Variants in PGBD5 observed in about 807,000 individuals in gnomAD.
PGBD5 encodes piggyBac transposable element-derived protein 5.
Under a neutral mutation model 47.9 loss-of-function variants are expected in PGBD5, and 14 were observed. The ratio of observed to expected loss-of-function variants is 0.29; its 90% CI spans 0.19 to 0.46. The LOEUF (loss-of-function observed/expected upper bound fraction) is 0.46, where lower values mean the gene tolerates loss of function less well. Among genes scored for constraint, PGBD5 ranks in the 20% least tolerant of loss-of-function variants. PGBD5 has a pLI of 1.00. For missense variants in PGBD5, 635 were observed against 716.0 expected, an observed-to-expected ratio of 0.89 and a Z score of 1.29; for synonymous variants, 316 against 306.3, an observed-to-expected ratio of 1.03 and a Z score of -0.33.
chr1:230,367,194 T>A (rs1293259667), intron 1 of PGBD5, among the ~76,000 whole-genome samples: 1 of 152,162 alleles, frequency 6.6e-6, no homozygotes, highest in Non-Finnish European at 1.5e-5. Context: ...GTTTTCCTTC[T>A]ACTCGGGCCG....
At chr1:230,345,322 C>T (rs1043151548) in intron 3 of PGBD5, among the ~76,000 whole-genome samples, 5 of 152,160 alleles carry the variant, frequency 3.3e-5, no homozygotes, top group African/African-American at 1.2e-4. Context: ...GCAGCCTCAG[C>T]GTCTTGGATT....
chr1:230,379,664 C>A (rs955795839), intron 1 of PGBD5, among the ~76,000 whole-genome samples: 5 of 152,252 alleles, frequency 3.3e-5, no homozygotes, highest in Non-Finnish European at 7.3e-5. Flanking sequence ...TACTTCAATA[C>A]CCAGCTCAAC....
At chr1:230,416,928 G>A (rs2102753555) in intron 1 of PGBD5, among the ~76,000 whole-genome samples, 1 of 152,308 alleles carries the variant, frequency 6.6e-6, no homozygotes, top group African/African-American at 2.4e-5. Context: ...GCGGATGAAA[G>A]CCCCACCAGC....
chr1:230,353,109 G>C (rs1259047223), intron 2 of PGBD5, among the ~76,000 whole-genome samples: 3 of 152,144 alleles, frequency 2.0e-5, no homozygotes, highest in African/African-American at 7.2e-5. Flanking sequence ...AATGAATTAT[G>C]AATATGTCAT....
intron 4 of PGBD5, among the ~76,000 whole-genome samples, chr1:230,335,836 T>TGG (rs1667313067): frequency 2.4e-4 from 9 of 37,984 alleles, no homozygotes; most frequent in Non-Finnish European, 3.3e-4. Flanking sequence ...GACATACACA[T>TGG]ACACACACAG....
chr1:230,357,095 G>C lies in PGBD5; in HGVS notation c.558C>G (p.Leu186=), dbSNP rs1279690254. 1 of 1,614,192 alleles carries C rather than the reference G, an allele frequency of 6.2e-7. No homozygotes were observed. Among genetic ancestry groups the C allele is most frequent in the South Asian group, 1.1e-5 (1 of 91,084 alleles). ...TGTAGAAGCCTCCGCTCCAGATGCTGAGGACGGACTCGCAGTGGGAGATGC... is the reference window on the plus strand; with the variant it reads ...TGTAGAAGCCTCCGCTCCAGATGCTCAGGACGGACTCGCAGTGGGAGATGC... ...STSISHCESV[L]SIWSGGFYSN... Residue 186 remains leucine, a synonymous_variant, in exon 2 of 7, where the codon CTC becomes CTG. Coordinates refer to ENST00000391860, the MANE Select transcript of PGBD5 (RefSeq NM_001258311.2). This position sits in a 1 kb window ranked among gnomAD's most constrained non-coding sequence, Gnocchi z 5.7.
At chr1:230,393,843 AAT>A (rs1417919859) in intron 1 of PGBD5, among the ~76,000 whole-genome samples, 64 of 149,582 alleles carry the variant, frequency 4.3e-4, no homozygotes, top group African/African-American at 1.4e-3. Flanking sequence ...AAAAAAAAAA[AAT>A]AATAGGCCCG....
chr1:230,391,833 G>A (rs1159339184), intron 1 of PGBD5, among the ~76,000 whole-genome samples: 4 of 152,106 alleles, frequency 2.6e-5, no homozygotes, highest in Non-Finnish European at 5.9e-5. Flanking sequence ...ACTGATCTTC[G>A]TTAAATTCAA....
intron 2 of PGBD5, among the ~76,000 whole-genome samples, chr1:230,356,564 ATAAAAT>A (rs370459807): frequency 1.6e-3 from 246 of 152,344 alleles, no homozygotes; most frequent in African/African-American, 5.7e-3. Context: ...GAATATGACA[ATAAAAT>A]TAATATTCGC....
chr1:230,356,979 G>C lies in PGBD5; in HGVS notation c.674C>G (p.Thr225Ser). The C allele has an allele frequency of 6.2e-7, 1 of 1,614,232 alleles. No homozygotes were observed. The highest frequency in any genetic ancestry group is 8.5e-7 in the Non-Finnish European group (1 of 1,180,044). Residue 225 changes from threonine to serine, a missense_variant, in exon 2 of 7, where the codon ACC becomes AGC. By Grantham distance (58) the Thr-to-Ser change is moderately conservative (BLOSUM62 1). Coordinates refer to ENST00000391860, the MANE Select transcript of PGBD5 (RefSeq NM_001258311.2). Reference sequence around the variant, plus strand: ...CTGGACCTTGTAGAGCCCGTGCGTGGTCTGGCTGGAGCGGAAGGCCACGAC... The same window carrying C: ...CTGGACCTTGTAGAGCCCGTGCGTGCTCTGGCTGGAGCGGAAGGCCACGAC... Reference protein sequence around the residue: ...FHVVAFRSSQTTHGLYKVQPF... With the variant: ...FHVVAFRSSQSTHGLYKVQPF...
Position 230,320,206 on chromosome 1 carries a change from A to C in PGBD5, c.*3219T>G, listed in dbSNP as rs905813503. The C allele has an allele frequency of 6.6e-6, 1 of 151,914 alleles. No individual in the cohort carries two copies. Among genetic ancestry groups the C allele is most frequent in the Non-Finnish European group, 1.5e-5 (1 of 67,982 alleles). The allele number at this position is 151,914 out of a possible 1,614,324, so 9.4% of individuals were successfully genotyped here. A position where few individuals can be genotyped will look rare whatever the true frequency, so the allele number is the denominator to read the frequency against. On this transcript the variant is annotated 3_prime_UTR_variant, in exon 7 of 7. Coordinates refer to ENST00000391860, the MANE Select transcript of PGBD5 (RefSeq NM_001258311.2). ...AGCAGAGTGTGGGGAAAGACAATGA[A>C]AGTCGAATATGGAACCTGATCAAGT...
chr1:230,335,793 G>GTACA (rs1476446568), intron 4 of PGBD5, among the ~76,000 whole-genome samples: 21 of 1,446 alleles, frequency 0.015, no homozygotes, highest in East Asian at 0.023. Flanking sequence ...ACACACACAG[G>GTACA]CACAAAGACA....
rs147413556 is a variant in PGBD5, at chr1:230,413,798, G to A, written c.331+11800C>T. On this transcript the variant is annotated intron_variant, in intron 1 of 6. Transcript: ENST00000391860. ...CATCACAACTATCTGTGGATCGGCC[G>A]TTTGTCTTCACCACCAGGAGTTATG... is the stretch of plus-strand genomic sequence containing the variant. Among the ~76,000 whole-genome samples the A allele has an allele frequency of 5.3e-5, 8 of 152,192 alleles. No homozygotes were observed. In the East Asian group the frequency reaches 1.6e-3, roughly 29 times the overall value.
chr1:230,421,040 G>A (rs1036663833), intron 1 of PGBD5, among the ~76,000 whole-genome samples: 3 of 152,056 alleles, frequency 2.0e-5, no homozygotes, highest in Non-Finnish European at 1.5e-5. Flanking sequence ...AGTGAGTTTT[G>A]GACTCTAAAA....
At chr1:230,368,245 A>G (rs1558201781) in intron 1 of PGBD5, 2 of 1,240,120 alleles carry the variant, frequency 1.6e-6, no homozygotes, top group Non-Finnish European at 1.0e-6. Flanking sequence ...GATTTTTTCC[A>G]TGCCTAAAAT....
chr1:230,407,858 T>C (rs1467557173), intron 1 of PGBD5, among the ~76,000 whole-genome samples: 1 of 152,192 alleles, frequency 6.6e-6, no homozygotes, highest in Non-Finnish European at 1.5e-5. Context: ...AATTTACTCC[T>C]AAAAATATTC....
rs748759678 is a variant in PGBD5, at chr1:230,357,011, G to A, written c.642C>T (p.Tyr214=). ...SQARFEKILK[Y]FHVVAFRSSQ... is the part of the protein sequence containing the mutation. Reference sequence around the variant, plus strand: ...TGGAGCGGAAGGCCACGACGTGGAAGTACTTGAGGATCTTCTCGAAGCGGG... The same window carrying A: ...TGGAGCGGAAGGCCACGACGTGGAAATACTTGAGGATCTTCTCGAAGCGGG... The change falls in exon 2 of 7, where the codon TAC becomes TAT. Residue 214 remains tyrosine, a synonymous_variant. Coordinates refer to ENST00000391860, the MANE Select transcript of PGBD5 (RefSeq NM_001258311.2). The surrounding 1 kb of genome is among the most constrained non-coding windows in gnomAD (Gnocchi z 5.7). 6 of 1,614,104 alleles carry A rather than the reference G, an allele frequency of 3.7e-6. No individual in the cohort carries two copies. The African/African-American group carries it at 8.0e-5, about 22-fold the overall frequency.
rs1404877502 is a variant in PGBD5 at position 230,317,396 on chromosome 1, C to T, written c.*6029G>A. 2 of 152,238 alleles carry T rather than the reference C, an allele frequency of 1.3e-5. No homozygotes were observed. The highest frequency in any genetic ancestry group is 6.5e-5 in the Admixed American group (1 of 15,276). The allele number at this position is 152,238 out of a possible 1,614,324, so 9.4% of individuals were successfully genotyped here. On this transcript the variant is annotated 3_prime_UTR_variant, in exon 7 of 7. Coordinates refer to ENST00000391860, the MANE Select transcript of PGBD5 (RefSeq NM_001258311.2). ...CAAAAGGGGGACCGATGGTTGTCAG[C>T]TCCCAGGGCAATGCTGAGGACTCAG...
At chr1:230,328,222 C>T (rs185420272) in intron 5 of PGBD5, among the ~76,000 whole-genome samples, 39 of 152,354 alleles carry the variant, frequency 2.6e-4, no homozygotes, top group Admixed American at 4.6e-4. Context: ...TCCCAATCTA[C>T]CTCACCACGG....
Sources: allele counts gnomAD v4.1 joint callset (sites outside exome capture counted in the v4.1 genomes callset), GRCh38; gene constraint gnomAD v4.1.1; non-coding constraint Gnocchi (gnomAD v3.1); transcripts MANE v1.5; gene names NCBI Gene and HGNC (gene_info 2026-07-23, HGNC 2026-07-21).